The following RMST variants were observed in gnomAD, a reference collection of about 807,000 sequenced individuals.
RMST encodes long intergenic non-protein coding RNA 54.
At chr12:97,558,210 G>A (rs1486197470) in intron 11 of RMST, among the ~76,000 whole-genome samples, 2 of 152,150 alleles carry the variant, frequency 1.3e-5, no homozygotes, top group African/African-American at 2.4e-5. Context: ...TGGTCAACAA[G>A]TACAGCTTGT....
intron 5 of RMST, among the ~76,000 whole-genome samples, chr12:97,481,284 A>G (rs1875244246): frequency 6.6e-6 from 1 of 152,204 alleles, no homozygotes; most frequent in Non-Finnish European, 1.5e-5. Flanking sequence ...AAATTAAGGA[A>G]GATGAAGTTA....
chr12:97,514,376 A>T (rs1296744714), intron 10 of RMST, among the ~76,000 whole-genome samples: 1 of 152,212 alleles, frequency 6.6e-6, no homozygotes, highest in Non-Finnish European at 1.5e-5. Context: ...TTACTTGTCA[A>T]CCATGTTCAA....
At chr12:97,509,292 A>C (rs1422821350) in intron 10 of RMST, among the ~76,000 whole-genome samples, 3 of 152,376 alleles carry the variant, frequency 2.0e-5, no homozygotes, top group Middle Eastern at 3.4e-3. Flanking sequence ...AGTCAAACCT[A>C]TAATTTACTG....
At chr12:97,474,935 A>G (rs1267640090) in intron 5 of RMST, among the ~76,000 whole-genome samples, 1 of 152,184 alleles carries the variant, frequency 6.6e-6, no homozygotes, top group Non-Finnish European at 1.5e-5. Context: ...GTACTCATTC[A>G]TAATAATTTA....
intron 5 of RMST, among the ~76,000 whole-genome samples, chr12:97,479,929 T>C (rs1301413707): frequency 6.6e-6 from 1 of 152,160 alleles, no homozygotes; most frequent in African/African-American, 2.4e-5. Context: ...TAGTTTCTCA[T>C]TCTATGCTTT....
intron 5 of RMST, among the ~76,000 whole-genome samples, chr12:97,480,843 C>T (rs1176047085): frequency 6.6e-6 from 1 of 152,186 alleles, no homozygotes; most frequent in Non-Finnish European, 1.5e-5. Context: ...CTTCAGTCAA[C>T]ACAAGTGTGT....
At chr12:97,528,831 G>A (rs1177123955) in intron 10 of RMST, among the ~76,000 whole-genome samples, 2 of 152,104 alleles carry the variant, frequency 1.3e-5, no homozygotes, top group Non-Finnish European at 2.9e-5. Flanking sequence ...GTGCCAGGCT[G>A]TACAGCAGTT....
At chr12:97,512,800 T>G (rs948715029) in intron 10 of RMST, among the ~76,000 whole-genome samples, 2 of 152,136 alleles carry the variant, frequency 1.3e-5, no homozygotes, top group African/African-American at 4.8e-5. Context: ...CCTTAGCCCT[T>G]GGGTGGTCGA....
At chr12:97,519,024 T>C (rs1880239468) in intron 10 of RMST, among the ~76,000 whole-genome samples, 1 of 152,196 alleles carries the variant, frequency 6.6e-6, no homozygotes, top group South Asian at 2.1e-4. Context: ...GCTATTGTCC[T>C]GCCTTGGCCT....
At chr12:97,564,347 A>G (rs1884374523) in exon 14 of RMST, 1 of 160,142 alleles carries the variant, frequency 6.2e-6, no homozygotes, top group Non-Finnish European at 1.4e-5. Flanking sequence ...TGGATGGGCT[A>G]GATCAACTCC....
At chr12:97,489,181 C>T (rs749436146) in intron 5 of RMST, among the ~76,000 whole-genome samples, 4 of 152,170 alleles carry the variant, frequency 2.6e-5, no homozygotes, top group Admixed American at 6.5e-5. Flanking sequence ...CACAATGGCT[C>T]ACACCTGTAA....
chr12:97,538,363 T>C (rs369822883), intron 11 of RMST, among the ~76,000 whole-genome samples: 2 of 151,554 alleles, frequency 1.3e-5, no homozygotes, highest in East Asian at 3.9e-4. Flanking sequence ...TCCTAATGCA[T>C]GACCTGCTTT....
intron 13 of RMST, chr12:97,564,147 A>C (rs1050408358): frequency 1.1e-4 from 35 of 306,792 alleles, no homozygotes; most frequent in Non-Finnish European, 2.6e-5. Context: ...TTTTCTATTA[A>C]AGAACATGCT....
chr12:97,481,340 G>A (rs892782509), intron 5 of RMST, among the ~76,000 whole-genome samples: 3 of 151,976 alleles, frequency 2.0e-5, no homozygotes, highest in African/African-American at 7.2e-5. Context: ...ACAAGAATGT[G>A]TTTTCTGTTT....
rs1216586043 is a variant in RMST, at chr12:97,526,249, T to G, written n.1341-4406T>G. 2.0e-5 allele frequency among the ~76,000 whole-genome samples: 3 copies of G among 152,054 alleles called. No homozygotes were observed. The East Asian group carries it at 5.8e-4, about 29-fold the overall frequency. ...TGCAGCTGGTCCCTGGTGCCAAAAATGTTGGAGACAGCTATAATATACAAT... is the reference window on the plus strand; with the variant it reads ...TGCAGCTGGTCCCTGGTGCCAAAAAGGTTGGAGACAGCTATAATATACAAT... On this transcript the variant is annotated intron_variant and non_coding_transcript_variant, in intron 10 of 13. Transcript: ENST00000640149.
chr12:97,563,149 C>A (rs1023300075), intron 13 of RMST: 1 of 152,104 alleles, frequency 6.6e-6, no homozygotes, highest in African/African-American at 2.4e-5. Flanking sequence ...GGTCTTTGGA[C>A]CTGAGTTATT....
chr12:97,537,326 A>G (rs1223264445), intron 11 of RMST, among the ~76,000 whole-genome samples: 1 of 151,424 alleles, frequency 6.6e-6, no homozygotes, highest in Non-Finnish European at 1.5e-5. Flanking sequence ...ATGTGGAAAC[A>G]TTGAGGAAAA....
chr12:97,538,558 A>C (rs1226820999), intron 11 of RMST, among the ~76,000 whole-genome samples: 2 of 151,286 alleles, frequency 1.3e-5, no homozygotes, highest in Non-Finnish European at 3.0e-5. Context: ...TGCTTAATGC[A>C]TAATAAGTCT....
chr12:97,524,075 C>CAGAGAAAAAAAAA (rs57255256), intron 10 of RMST, among the ~76,000 whole-genome samples: 1,238 of 56,104 alleles, frequency 0.022, 468 homozygotes, highest in Middle Eastern at 0.03. Flanking sequence ...GACTCTGTCT[C>CAGAGAAAAAAAAA]AAAAAAAAAA....
Sources: gnomAD v4.1 joint callset for allele counts (sites outside exome capture counted in the v4.1 genomes callset) on GRCh38, gnomAD v4.1.1 for gene constraint, MANE v1.5 for transcripts, NCBI Gene and HGNC (gene_info 2026-07-23, HGNC 2026-07-21) for gene names.